The following CNTNAP2 variants were observed in gnomAD, a reference collection of about 807,000 sequenced individuals.
CNTNAP2 encodes the protein contactin-associated protein-like 2.
In CNTNAP2, 98 loss-of-function variants were observed where a neutral mutation model predicts 155.2. The ratio of observed to expected loss-of-function variants is 0.63; its 90% confidence interval spans 0.54 to 0.75. The LOEUF (loss-of-function observed/expected upper bound fraction) is 0.75, where lower values mean the gene tolerates loss of function less well. CNTNAP2 is among the 30% of genes least tolerant of loss of function. The pLI is 0.00. For missense variants in CNTNAP2, 1,727 were observed against 1,688.1 expected (o/e 1.02, Z -0.40); for synonymous variants, 651 against 631.2 (o/e 1.03, Z -0.47).
intron 1 of CNTNAP2, among the ~76,000 whole-genome samples, chr7:146,357,316 AT>A (rs1199371713): frequency 6.6e-6 from 1 of 152,070 alleles, no homozygotes; most frequent in African/African-American, 2.4e-5. Flanking sequence ...TCCTTAAAAA[AT>A]AAATGACCCT....
At chr7:147,926,661 C>A (rs2116791400) in intron 14 of CNTNAP2, among the ~76,000 whole-genome samples, 1 of 152,076 alleles carries the variant, frequency 6.6e-6, no homozygotes, top group South Asian at 2.1e-4. Flanking sequence ...GTTATATAAC[C>A]TTTGAACCAA....
chr7:148,001,259 C>T (rs1055979067), intron 15 of CNTNAP2, among the ~76,000 whole-genome samples: 10 of 152,208 alleles, frequency 6.6e-5, no homozygotes, highest in Non-Finnish European at 1.2e-4. Flanking sequence ...TGGAAAGCTT[C>T]TCAGCTCTTG....
chr7:146,547,194 A>T (rs1554446877), intron 1 of CNTNAP2, among the ~76,000 whole-genome samples: 7 of 151,894 alleles, frequency 4.6e-5, no homozygotes, highest in Non-Finnish European at 1.0e-4. Context: ...TATTCTTATA[A>T]TTCTTTTCTT....
At chr7:146,671,141 T>C (rs190745043) in intron 1 of CNTNAP2, among the ~76,000 whole-genome samples, 65 of 152,266 alleles carry the variant, frequency 4.3e-4, no homozygotes, top group Non-Finnish European at 7.9e-4. Flanking sequence ...ACTTTTCTTC[T>C]TAAACTGTAA....
intron 1 of CNTNAP2, among the ~76,000 whole-genome samples, chr7:146,555,645 C>T (rs1271705926): frequency 6.6e-6 from 1 of 151,942 alleles, no homozygotes; most frequent in East Asian, 1.9e-4. Flanking sequence ...ATTTAGAGAA[C>T]AATAAAAGAC....
At chr7:148,133,228 G>A (rs1232410881) in intron 16 of CNTNAP2, among the ~76,000 whole-genome samples, 3 of 152,068 alleles carry the variant, frequency 2.0e-5, no homozygotes, top group East Asian at 1.9e-4. Context: ...TTGGAAGGCC[G>A]AGGCAGGCAG....
intron 1 of CNTNAP2, among the ~76,000 whole-genome samples, chr7:146,473,760 C>G (rs1796833968): frequency 6.6e-6 from 1 of 152,138 alleles, no homozygotes; most frequent in South Asian, 2.1e-4. Flanking sequence ...GTTTTTCCCC[C>G]CATTTTTCTA....
At chr7:146,760,642 C>G (rs1310932511) in intron 1 of CNTNAP2, among the ~76,000 whole-genome samples, 1 of 151,744 alleles carries the variant, frequency 6.6e-6, no homozygotes, top group Non-Finnish European at 1.5e-5. Context: ...CCAGGCTGGT[C>G]TCAAACTCCT....
At chr7:147,085,204 T>A (rs2129270504) in intron 4 of CNTNAP2, among the ~76,000 whole-genome samples, 1 of 152,256 alleles carries the variant, frequency 6.6e-6, no homozygotes, top group Non-Finnish European at 1.5e-5. Flanking sequence ...CCTAGTATTG[T>A]TATCTTTGTA....
At chr7:148,296,321 A>T (rs976891109) in intron 21 of CNTNAP2, among the ~76,000 whole-genome samples, 12 of 151,984 alleles carry the variant, frequency 7.9e-5, no homozygotes, top group African/African-American at 2.9e-4. Flanking sequence ...AGATTGCCTG[A>T]GATCAGGAGT....
chr7:146,454,379 G>A (rs764493619), intron 1 of CNTNAP2, among the ~76,000 whole-genome samples: 6 of 152,016 alleles, frequency 3.9e-5, no homozygotes, highest in Non-Finnish European at 7.4e-5. Context: ...GTTTGTTTAC[G>A]CAGAAGCAAG....
chr7:148,186,546 T>C (rs901063760), intron 18 of CNTNAP2, among the ~76,000 whole-genome samples: 7 of 152,200 alleles, frequency 4.6e-5, no homozygotes, highest in African/African-American at 1.7e-4. Context: ...CCTCTTCCTA[T>C]TTGAGCATTT....
chr7:146,234,792 T>C (rs1799444324), intron 1 of CNTNAP2, among the ~76,000 whole-genome samples: 2 of 152,222 alleles, frequency 1.3e-5, no homozygotes, highest in Admixed American at 6.5e-5. Flanking sequence ...ATATCAAATG[T>C]ATACCTATAT....
chr7:147,424,167 C>T (rs1055315395), intron 10 of CNTNAP2, among the ~76,000 whole-genome samples: 3 of 152,110 alleles, frequency 2.0e-5, no homozygotes, highest in African/African-American at 7.2e-5. Flanking sequence ...TTCAATCTAC[C>T]CATTTCTTCT....
At chr7:146,982,018 T>TAA (rs1798027751) in intron 3 of CNTNAP2, among the ~76,000 whole-genome samples, 1 of 152,200 alleles carries the variant, frequency 6.6e-6, no homozygotes, top group South Asian at 2.1e-4. Context: ...AGAAGTTTAT[T>TAA]AATTGACACT....
At chr7:146,147,111 T>A (rs1047421190) in intron 1 of CNTNAP2, among the ~76,000 whole-genome samples, 1 of 152,186 alleles carries the variant, frequency 6.6e-6, no homozygotes, top group African/African-American at 2.4e-5. Flanking sequence ...AAAATACCGC[T>A]GAAGCCCCAG....
intron 1 of CNTNAP2, among the ~76,000 whole-genome samples, chr7:146,650,038 A>C (rs1799880443): frequency 6.6e-6 from 1 of 152,150 alleles, no homozygotes; most frequent in Non-Finnish European, 1.5e-5. Context: ...GATGTGGAGA[A>C]ATAGGAACAC....
At chr7:147,439,402 T>G (rs1408387866) in intron 10 of CNTNAP2, among the ~76,000 whole-genome samples, 2 of 152,040 alleles carry the variant, frequency 1.3e-5, no homozygotes, top group African/African-American at 2.4e-5. Context: ...AAAATTGCTC[T>G]TGTCATTAAT....
intron 13 of CNTNAP2, among the ~76,000 whole-genome samples, chr7:147,740,830 G>A (rs112102939): frequency 0.027 from 4,124 of 152,256 alleles, 183 homozygotes; most frequent in African/African-American, 0.094. Flanking sequence ...GGAAACAATG[G>A]AAGCAGGACA....
Sources: allele counts gnomAD v4.1 joint callset (sites outside exome capture counted in the v4.1 genomes callset), GRCh38; gene constraint gnomAD v4.1.1; transcripts MANE v1.5; gene names NCBI Gene and HGNC (gene_info 2026-07-23, HGNC 2026-07-21).